TCF4: variants seen among roughly 807,000 people sequenced by gnomAD.
TCF4 encodes the protein transcription factor 4, also known as SL3-3 enhancer factor 2.
Under a neutral mutation model 82.1 loss-of-function variants are expected in TCF4, and 3 were observed. The observed-to-expected ratio is 0.04, with a 90% CI of 0.02 to 0.09. The LOEUF is 0.09. TCF4 is among the 10% of genes least tolerant of loss of function. The probability of loss-of-function intolerance (pLI) is 1.00; values close to 1 mark genes in which losing one functional copy is unlikely to be tolerated. For missense variants in TCF4, 518 were observed against 852.7 expected (o/e 0.61, Z 4.89); for synonymous variants, 276 against 309.6 (o/e 0.89, Z 1.14).
chr18:55,524,248 A>C (rs2096958564), intron 3 of TCF4, among the ~76,000 whole-genome samples: 1 of 152,102 alleles, frequency 6.6e-6, no homozygotes, highest in South Asian at 2.1e-4. Context: ...TGCAAGACTC[A>C]GATATATTGT....
intron 2 of TCF4, among the ~76,000 whole-genome samples, chr18:55,608,926 T>C (rs536299112): frequency 2.0e-5 from 3 of 152,190 alleles, no homozygotes; most frequent in South Asian, 4.1e-4. Flanking sequence ...TAATCCCCAA[T>C]GTGATGGCAT....
chr18:55,371,811 T>C (rs2089291283), intron 6 of TCF4, among the ~76,000 whole-genome samples: 1 of 152,148 alleles, frequency 6.6e-6, no homozygotes, highest in Non-Finnish European at 1.5e-5. Context: ...CAAGTCTCTA[T>C]TGTTACCCAC....
chr18:55,404,984 T>C (rs2094012799), intron 5 of TCF4, among the ~76,000 whole-genome samples: 2 of 152,250 alleles, frequency 1.3e-5, no homozygotes, highest in Non-Finnish European at 1.5e-5. Flanking sequence ...CCCATATCAG[T>C]TTCAATTTCA....
intron 8 of TCF4, among the ~76,000 whole-genome samples, chr18:55,282,783 C>A (rs1194920465): frequency 1.3e-5 from 2 of 151,996 alleles, no homozygotes; most frequent in African/African-American, 4.8e-5. Context: ...ACTAGAGTGA[C>A]CCCAATGATA....
chr18:55,362,893 A>C (rs2085843848), intron 6 of TCF4, among the ~76,000 whole-genome samples: 1 of 152,226 alleles, frequency 6.6e-6, no homozygotes, highest in Non-Finnish European at 1.5e-5. Flanking sequence ...AAAAATCATG[A>C]AAGGATTCAG....
chr18:55,356,292 G>A (rs2144998995), intron 6 of TCF4, among the ~76,000 whole-genome samples: 1 of 152,252 alleles, frequency 6.6e-6, no homozygotes, highest in South Asian at 2.1e-4. Context: ...ACTATAAAAA[G>A]TTAAAAATGA....
intron 8 of TCF4, among the ~76,000 whole-genome samples, chr18:55,298,296 T>C (rs1172457226): frequency 1.3e-5 from 2 of 152,206 alleles, no homozygotes; most frequent in African/African-American, 2.4e-5. Context: ...GGCTGAGATA[T>C]CTCTATTCCC....
At chr18:55,252,121 T>C (rs1407309445) in intron 15 of TCF4, among the ~76,000 whole-genome samples, 1 of 152,098 alleles carries the variant, frequency 6.6e-6, no homozygotes, top group Admixed American at 6.6e-5. Flanking sequence ...CACACATTAG[T>C]GTTTCAGGCT....
At chr18:55,316,042 T>C (rs1272223222) in intron 8 of TCF4, among the ~76,000 whole-genome samples, 2 of 152,092 alleles carry the variant, frequency 1.3e-5, no homozygotes, top group African/African-American at 2.4e-5. Flanking sequence ...ATTAAACATA[T>C]AAAAACTTGA....
chr18:55,416,822 G>A (rs760465049), intron 5 of TCF4, among the ~76,000 whole-genome samples: 4 of 152,180 alleles, frequency 2.6e-5, no homozygotes, highest in Non-Finnish European at 4.4e-5. Flanking sequence ...GGCCAGTGAC[G>A]GGGATAATGC....
At chr18:55,433,580 A>G (rs2095257676) in intron 5 of TCF4, among the ~76,000 whole-genome samples, 2 of 152,256 alleles carry the variant, frequency 1.3e-5, no homozygotes, top group Non-Finnish European at 1.5e-5. Context: ...CTGTTTTGAA[A>G]ATACATGCCT....
chr18:55,296,107 GT>G (rs11353305), intron 8 of TCF4, among the ~76,000 whole-genome samples: 9,220 of 139,806 alleles, frequency 0.066, 389 homozygotes, highest in East Asian at 0.25. Context: ...ACATTAAAGT[GT>G]TTTTTTTTTT....
At chr18:55,351,589 C>T (rs957933557) in intron 6 of TCF4, among the ~76,000 whole-genome samples, 5 of 152,070 alleles carry the variant, frequency 3.3e-5, no homozygotes, top group Admixed American at 2.0e-4. Flanking sequence ...GCAGATATTC[C>T]AAGCTAACAG....
chr18:55,610,735 G>A (rs2097706271), intron 2 of TCF4, among the ~76,000 whole-genome samples: 1 of 152,218 alleles, frequency 6.6e-6, no homozygotes, highest in African/African-American at 2.4e-5. Context: ...ACATTGCAGA[G>A]GGAAGAGTCT....
chr18:55,340,961 C>G (rs1489386999), intron 8 of TCF4, among the ~76,000 whole-genome samples: 1 of 152,180 alleles, frequency 6.6e-6, no homozygotes, highest in African/African-American at 2.4e-5. Context: ...ATTATACTGT[C>G]TTTGTTTACA....
At chr18:55,293,525 G>A (rs773112372) in intron 8 of TCF4, among the ~76,000 whole-genome samples, 2 of 152,092 alleles carry the variant, frequency 1.3e-5, no homozygotes, top group Non-Finnish European at 2.9e-5. Context: ...GTGCTCTACA[G>A]AGCAGGAGAC....
chr18:55,568,416 C>T (rs933379707), intron 3 of TCF4, among the ~76,000 whole-genome samples: 1 of 151,312 alleles, frequency 6.6e-6, no homozygotes, highest in African/African-American at 2.4e-5. Context: ...TAAGAGAATA[C>T]CTTTGTATAA....
rs1568471342 is a variant in TCF4 at position 55,588,088 on chromosome 18, G to T, written c.-71C>A. ...CGTGCACCGCCGGCGCCGAGGCGGC[G>T]TTCATGTCTAACCGCCGCCGCCACC... On this transcript the variant is annotated 5_prime_UTR_variant, in exon 1 of 20. Coordinates refer to ENST00000354452, the MANE Select transcript of TCF4 (RefSeq NM_001083962.2). 9.9e-7 allele frequency: 1 copy of T among 1,005,968 alleles called. No homozygotes were observed. The highest frequency in any genetic ancestry group is 1.2e-6 in the Non-Finnish European group (1 of 846,858). The allele number at this position is 1,005,968 out of a possible 1,614,324, so 62.3% of individuals were successfully genotyped here. A position where few individuals can be genotyped will look rare whatever the true frequency, so the allele number is the denominator to read the frequency against.
chr18:55,574,310 A>G (rs2097506154), intron 3 of TCF4, among the ~76,000 whole-genome samples: 1 of 152,112 alleles, frequency 6.6e-6, no homozygotes, highest in Non-Finnish European at 1.5e-5. Context: ...GTATACTTGC[A>G]TATTTCAACA....
Sources: gnomAD v4.1 joint callset for allele counts (sites outside exome capture counted in the v4.1 genomes callset) on GRCh38, gnomAD v4.1.1 for gene constraint, MANE v1.5 for transcripts, NCBI Gene and HGNC (gene_info 2026-07-23, HGNC 2026-07-21) for gene names.